Variants in DCHS2 observed in about 807,000 individuals in gnomAD.
DCHS2 encodes the protein protocadherin-23.
Under a neutral mutation model 182.4 loss-of-function variants are expected in DCHS2, and 142 were observed. The observed-to-expected ratio is 0.78, with a 90% CI of 0.68 to 0.89. DCHS2 has a LOEUF of 0.89. Among genes scored for constraint, DCHS2 ranks in the 40% least tolerant of loss-of-function variants. DCHS2 has a pLI of 0.00. For missense variants in DCHS2, 4,319 were observed against 4,198.6 expected (o/e 1.03, Z -0.79); for synonymous variants, 1,740 against 1,663.3 (o/e 1.05, Z -1.12).
At chr4:154,323,104 A>G (rs1301106725) in intron 7 of DCHS2, 3 of 1,300,076 alleles carry the variant, frequency 2.3e-6, no homozygotes, top group African/African-American at 1.5e-5. Flanking sequence ...TATTTGTTGA[A>G]TAAACTGGAA....
intron 3 of DCHS2, among the ~76,000 whole-genome samples, chr4:154,362,409 T>A (rs1355312880): frequency 6.6e-6 from 1 of 152,204 alleles, no homozygotes; most frequent in Non-Finnish European, 1.5e-5. Flanking sequence ...TTTAAGTTAC[T>A]TTTGCAATAT....
chr4:154,328,331 A>T, intron 6 of DCHS2, 139 bp from the exon 7 acceptor site: 1 of 540,166 alleles, frequency 1.9e-6, no homozygotes, highest in Non-Finnish European at 3.1e-6. Context: ...AATGCATACC[A>T]TGTAAAAGTT....
chr4:154,457,624 A>ATTTTGT (rs1336784507), intron 1 of DCHS2, among the ~76,000 whole-genome samples: 4 of 152,152 alleles, frequency 2.6e-5, no homozygotes, highest in Non-Finnish European at 5.9e-5. Flanking sequence ...AGTGTTGACG[A>ATTTTGT]TTTTGTTTTT....
chr4:154,360,323 C>A (rs1579006180), intron 3 of DCHS2, among the ~76,000 whole-genome samples: 2 of 152,214 alleles, frequency 1.3e-5, no homozygotes, highest in Non-Finnish European at 2.9e-5. Flanking sequence ...CCCTTCCAGC[C>A]TCAATTTCTT....
At chr4:154,247,257 A>G (rs1262940639) in intron 16 of DCHS2, among the ~76,000 whole-genome samples, 3 of 152,146 alleles carry the variant, frequency 2.0e-5, no homozygotes, top group Non-Finnish European at 4.4e-5. Flanking sequence ...CGGGTGGATC[A>G]TAATAAGGTC....
chr4:154,367,025 C>A (rs1730408982), intron 2 of DCHS2, among the ~76,000 whole-genome samples: 2 of 152,040 alleles, frequency 1.3e-5, no homozygotes, highest in African/African-American at 4.8e-5. Context: ...CTTCAGTTAC[C>A]AGAAAGGAAA....
chr4:154,338,019 A>G (rs1728896622), intron 3 of DCHS2, among the ~76,000 whole-genome samples: 1 of 152,116 alleles, frequency 6.6e-6, no homozygotes, highest in African/African-American at 2.4e-5. Context: ...TATAGGTGTG[A>G]GCCACTGCAC....
rs1732609676 is a variant in DCHS2 at position 154,255,455 on chromosome 4, A to C, written c.6941+64T>G. The C allele has an allele frequency of 6.5e-6, 10 of 1,537,782 alleles. No homozygotes were observed. In the South Asian group the frequency reaches 1.3e-4, roughly 21 times the overall value. ...TACGTAACAGGAAGTTATGAACAAAACAGCAATGTTGTCAGTAAGCAGGCA... is the reference window on the plus strand; with the variant it reads ...TACGTAACAGGAAGTTATGAACAAACCAGCAATGTTGTCAGTAAGCAGGCA... On this transcript the variant is annotated intron_variant, in intron 16 of 19. Transcript: ENST00000357232.
chr4:154,377,488 A>G lies in DCHS2; in HGVS notation c.2053-44T>C, dbSNP rs148966141. The G allele has an allele frequency of 7.9e-5, 119 of 1,502,010 alleles. 1 individual carries two copies. The African/African-American group carries it at 1.5e-3, about 19-fold the overall frequency. The allele number at this position is 1,502,010 out of a possible 1,614,324, so 93.0% of individuals were successfully genotyped here. A position where few individuals can be genotyped will look rare whatever the true frequency, so the allele number is the denominator to read the frequency against. The stretch of plus-strand genomic sequence containing the variant: ...ATCAGGAGGAAACAGAAATGCTAGC[A>G]TTACTTTTCAGTCAGTCATGAATTA... On this transcript the variant is annotated intron_variant, in intron 1 of 19. Transcript: ENST00000357232.
intron 1 of DCHS2, among the ~76,000 whole-genome samples, chr4:154,459,734 TTCTCTCTCTCTC>T (rs60259256): frequency 0.33 from 45,037 of 135,138 alleles, 7,913 homozygotes; most frequent in Non-Finnish European, 0.42. Flanking sequence ...TATCTACACA[TTCTCTCTCTCTC>T]TCTCTCTCTC....
At position 154,371,790 on chromosome 4, in the gene DCHS2, C is replaced by T. The variant is rs1213591184; in HGVS notation, c.2245-5349G>A. Among the ~76,000 whole-genome samples the T allele has an allele frequency of 5.3e-5, 8 of 152,190 alleles. No homozygotes were observed. In the East Asian group the frequency reaches 1.6e-3, roughly 29 times the overall value. Reference sequence around the variant, plus strand: ...AGGCGGAGGCAGAGGGGTGTTGCTACACACTTTTAAATAACCAGATCTCAT... The same window carrying T: ...AGGCGGAGGCAGAGGGGTGTTGCTATACACTTTTAAATAACCAGATCTCAT... On this transcript the variant is annotated intron_variant, in intron 2 of 19. Coordinates refer to ENST00000357232, the MANE Select transcript of DCHS2 (RefSeq NM_001358235.2).
In DCHS2 at chr4:154,332,503, T is replaced by C. The variant is rs754351960; in HGVS notation, c.3705A>G (p.Lys1235=). 1 of 1,613,274 alleles carries C rather than the reference T, an allele frequency of 6.2e-7. No individual in the cohort carries two copies. Among genetic ancestry groups the C allele is most frequent in the East Asian group, 2.2e-5 (1 of 44,886 alleles). Residue 1235 remains lysine (K), a synonymous_variant, in exon 5 of 20, where the codon AAA becomes AAG. Transcript: ENST00000357232. ...CTGTATTAGGATTCATCTTGAAGAA[T>C]TTTCCATCAGACAAAAGGAAATATA... The part of the protein sequence containing the change: ...QLLYFLLSDG[K]FFKMNPNTGE...
intron 10 of DCHS2, among the ~76,000 whole-genome samples, chr4:154,309,440 G>A (rs1373346420): frequency 6.6e-6 from 1 of 152,122 alleles, no homozygotes; most frequent in African/African-American, 2.4e-5. Flanking sequence ...CCTTTGCAAG[G>A]CCCCCTCTCT....
chr4:154,288,158 A>C (rs1734493367), intron 13 of DCHS2, among the ~76,000 whole-genome samples: 1 of 152,150 alleles, frequency 6.6e-6, no homozygotes, highest in Non-Finnish European at 1.5e-5. Context: ...AAGAAGACAC[A>C]ATGGTCTTTT....
intron 1 of DCHS2, among the ~76,000 whole-genome samples, chr4:154,390,200 G>A (rs1731630570): frequency 6.7e-6 from 1 of 149,570 alleles, no homozygotes; most frequent in South Asian, 2.1e-4. Context: ...GTGCCACGCT[G>A]GTGCGCTGCA....
At chr4:154,365,068 A>T (rs978313824) in intron 3 of DCHS2, among the ~76,000 whole-genome samples, 7 of 152,206 alleles carry the variant, frequency 4.6e-5, no homozygotes, top group African/African-American at 1.4e-4. Context: ...ATGAATAGAA[A>T]ATGGAAGGTA....
At chr4:154,348,905 C>A (rs552544754) in intron 3 of DCHS2, among the ~76,000 whole-genome samples, 1 of 151,930 alleles carries the variant, frequency 6.6e-6, no homozygotes, top group Non-Finnish European at 1.5e-5. Flanking sequence ...AACTCTGAAG[C>A]CAGACTGTCT....
rs774982592 is a variant in DCHS2 at position 154,237,137 on chromosome 4, G to A, written c.7515C>T (p.Pro2505=). The change falls in exon 20 of 20, where the codon CCC becomes CCT. Residue 2505 remains proline (P), a synonymous_variant. Transcript: ENST00000357232. ...PKNGTIFTIS[P]VLLLDTISTT... ...TTGATATTGTATCCAGAAGTAATAC[G>A]GGACTGATAGTAAATATTGTGCCTG... 3.2e-5 allele frequency: 52 copies of A among 1,610,910 alleles called. No individual in the cohort carries two copies. Among genetic ancestry groups the A allele is most frequent in the South Asian group, 8.8e-5 (8 of 90,652 alleles).
At chr4:154,425,919 A>G (rs191939089) in intron 1 of DCHS2, among the ~76,000 whole-genome samples, 69 of 152,334 alleles carry the variant, frequency 4.5e-4, no homozygotes, top group Non-Finnish European at 6.9e-4. Flanking sequence ...TTTTACTGTT[A>G]AAGCATTCCA....
Sources: gnomAD v4.1 joint callset for allele counts (sites outside exome capture counted in the v4.1 genomes callset) on GRCh38, gnomAD v4.1.1 for gene constraint, MANE v1.5 for transcripts, NCBI Gene and HGNC (gene_info 2026-07-23, HGNC 2026-07-21) for gene names.